CEBPZ: variants seen among roughly 807,000 people sequenced by gnomAD.
CEBPZ encodes the protein CCAAT/enhancer-binding protein zeta.
A neutral mutation model predicts 104.5 loss-of-function variants in CEBPZ; 78 were observed. The observed-to-expected ratio is 0.75, with a 90% CI of 0.62 to 0.90. The LOEUF (loss-of-function observed/expected upper bound fraction) is 0.90. Ranked by LOEUF, CEBPZ falls within the 40% of genes least tolerant of loss-of-function variation. CEBPZ has a pLI of 0.00. For synonymous variants in CEBPZ, 470 were observed against 427.0 expected, an observed-to-expected ratio of 1.10 and a Z score of -1.24; for missense variants, 1,439 against 1,233.5, an observed-to-expected ratio of 1.17 and a Z score of -2.50.
intron 2 of CEBPZ, among the ~76,000 whole-genome samples, chr2:37,226,296 G>A (rs1270711336): frequency 6.6e-6 from 1 of 152,168 alleles, no homozygotes; most frequent in Non-Finnish European, 1.5e-5. Context: ...TCACAGACTG[G>A]AGAGCTGTTA....
rs1268820875 is a variant in CEBPZ, at chr2:37,214,833, A to G, written c.2447+53T>C. The stretch of plus-strand genomic sequence containing the variant: ...TAAAATGAAGCATTTTATGAAATCT[A>G]AAAATTTAAATTTTAGCAGTTTCCC... On this transcript the variant is annotated intron_variant, in intron 9 of 15. Transcript: ENST00000234170. 3.2e-5 allele frequency: 37 copies of G among 1,152,822 alleles called. No homozygotes were observed. The East Asian group carries it at 8.5e-4, about 26-fold the overall frequency. 71.4% of individuals were successfully genotyped at this position (1,152,822 alleles called of 1,614,324 possible).
At chr2:37,230,145 C>A (rs540650686) in intron 1 of CEBPZ, among the ~76,000 whole-genome samples, 4 of 152,026 alleles carry the variant, frequency 2.6e-5, no homozygotes, top group Admixed American at 2.6e-4. Context: ...TTAAGACAGA[C>A]AAAATGATTT....
intron 3 of CEBPZ, among the ~76,000 whole-genome samples, chr2:37,222,902 A>C (rs925599082): frequency 6.6e-6 from 1 of 152,230 alleles, no homozygotes; most frequent in Non-Finnish European, 1.5e-5. Context: ...AAGAAGACTT[A>C]AGAGGTCTAC....
At chr2:37,224,971 AAC>A (rs1397415836) in intron 2 of CEBPZ, among the ~76,000 whole-genome samples, 4 of 152,196 alleles carry the variant, frequency 2.6e-5, no homozygotes, top group Non-Finnish European at 4.4e-5. Flanking sequence ...ATAGATTTCA[AAC>A]ACTTTCTAAA....
chr2:37,223,366 T>C lies in CEBPZ; in HGVS notation c.1685A>G (p.Lys562Arg), dbSNP rs781410717. 20 of 1,614,174 alleles carry C rather than the reference T, an allele frequency of 1.2e-5. No homozygotes were observed. The highest frequency in any genetic ancestry group is 1.7e-5 in the Admixed American group (1 of 60,028). The change falls in exon 3 of 16, where the codon AAG (lysine) becomes AGG (arginine). Residue 562 changes from lysine (K) to arginine (R), a missense_variant. Physicochemically the swap from Lys to Arg is conservative, Grantham distance 26. Coordinates refer to ENST00000234170, the MANE Select transcript of CEBPZ (RefSeq NM_005760.3). ...GACAAGGTTAAGAAACATAGCTTGC[T>C]TGGAACACGTCATCAACCCTGGATC... ...MLDPGLMTCS[K>R]QAMFLNLVYK...
chr2:37,204,778 T>C (rs1442087483), intron 13 of CEBPZ: 1 of 152,254 alleles, frequency 6.6e-6, no homozygotes, highest in Non-Finnish European at 1.5e-5. Context: ...TTCTGTTGGG[T>C]ATTCTTTAAT....
chr2:37,227,886 T>C lies in CEBPZ; in HGVS notation c.1307A>G (p.Lys436Arg), dbSNP rs770226058. The C allele has an allele frequency of 1.2e-6, 2 of 1,614,184 alleles. No homozygotes were observed. Among genetic ancestry groups the C allele is most frequent in the East Asian group, 2.2e-5 (1 of 44,892 alleles). The change falls in exon 2 of 16, where the codon AAA becomes AGA. Residue 436 changes from lysine to arginine, a missense_variant. Physicochemically the swap from Lys to Arg is conservative, Grantham distance 26 (BLOSUM62 2). Transcript: ENST00000234170. ...RLLFRSNISS[K>R]AQYYAICFLN... ...AAAGCAAATTGCATAATATTGAGCT[T>C]TGGAGCTGATATTTGAGCGGAAGAG...
intron 15 of CEBPZ, 128 bp downstream of exon 15, chr2:37,202,656 A>G: frequency 6.0e-6 from 1 of 166,950 alleles, no homozygotes; most frequent in African/African-American, 6.3e-5. Context: ...AAAAAAAAAA[A>G]AAAAAAAAAA....
chr2:37,212,347 A>C lies in CEBPZ; in HGVS notation c.2591T>G (p.Met864Arg). The C allele has an allele frequency of 6.2e-7, 1 of 1,613,560 alleles. No individual in the cohort carries two copies. The highest frequency in any genetic ancestry group is 8.5e-7 in the Non-Finnish European group (1 of 1,179,700). ...AGAAGTATGTTACCCAGCAAAATCC[A>C]TATCATCCTTTCCAGAGCTGAAACA... is the stretch of plus-strand genomic sequence containing the variant. ...DNCFSSGKDD[M>R]DFAGNVKKRT... The change falls in exon 11 of 16, where the codon ATG becomes AGG. Residue 864 changes from methionine (M) to arginine (R), a missense_variant. Physicochemically the swap from Met to Arg is moderately conservative, Grantham distance 91. Transcript: ENST00000234170.
rs1185909147 is a variant in CEBPZ at position 37,223,267 on chromosome 2, C to T, written c.1784G>A (p.Cys595Tyr). 1.9e-6 allele frequency: 3 copies of T among 1,614,004 alleles called. No individual in the cohort carries two copies. The African/African-American group carries it at 4.0e-5, about 22-fold the overall frequency. ...ACATATAAATGGTGGCATCTGTTGACAAGTAACTTGAAGTAACCTCTTCAC... is the reference window on the plus strand; with the variant it reads ...ACATATAAATGGTGGCATCTGTTGATAAGTAACTTGAAGTAACCTCTTCAC... The part of the protein sequence containing the change: ...AFVKRLLQVT[C>Y]QQMPPFICGA... The change falls in exon 3 of 16, where the codon TGT becomes TAT. Residue 595 changes from cysteine to tyrosine, a missense_variant. Coordinates refer to ENST00000234170, the MANE Select transcript of CEBPZ (RefSeq NM_005760.3).
chr2:37,225,550 G>C (rs957202018), intron 2 of CEBPZ, among the ~76,000 whole-genome samples: 2 of 132,020 alleles, frequency 1.5e-5, no homozygotes, highest in African/African-American at 5.8e-5. Context: ...CTTGAAGGCA[G>C]CATGCTCCTT....
In CEBPZ at chr2:37,228,568, C is replaced by T; in HGVS notation, c.625G>A (p.Ala209Thr). 6.2e-7 allele frequency: 1 copy of T among 1,614,156 alleles called. No homozygotes were observed. Among genetic ancestry groups the T allele is most frequent in the Non-Finnish European group, 8.5e-7 (1 of 1,180,040 alleles). ...ATTTCATGCTGATACAGCTTCTGAG[C>T]AAGGGTTTTGTACTTAGATACAACA... ...QDVVSKYKTL[A>T]QKLYQHEINL... The change falls in exon 2 of 16, where the codon GCT (alanine) becomes ACT (threonine). Residue 209 changes from alanine (A) to threonine (T), a missense_variant. By Grantham distance (58) the Ala-to-Thr change is moderately conservative. Coordinates refer to ENST00000234170, the MANE Select transcript of CEBPZ (RefSeq NM_005760.3).
intron 1 of CEBPZ, among the ~76,000 whole-genome samples, chr2:37,229,254 C>T (rs909345999): frequency 2.6e-5 from 4 of 151,428 alleles, no homozygotes; most frequent in African/African-American, 7.3e-5. Context: ...CTTTTTATTT[C>T]GATATAGGAA....
rs376111470 is a variant in CEBPZ, at chr2:37,220,315, CA to C, written c.2154+69del. Reference sequence around the variant, plus strand: ...CTGGTGACAGAGGAAGACTCTGTCTCAAAAAAAAAAAAAATATATATATATA... The same window carrying C: ...CTGGTGACAGAGGAAGACTCTGTCTCAAAAAAAAAAAAATATATATATATA... On this transcript the variant is annotated intron_variant, in intron 5 of 15. Coordinates refer to ENST00000234170, the MANE Select transcript of CEBPZ (RefSeq NM_005760.3). 1,471 of 362,214 alleles carry C rather than the reference CA, an allele frequency of 4.1e-3. 1 individual carries two copies. Among genetic ancestry groups the C allele is most frequent in the Non-Finnish European group, 5.6e-3 (1,287 of 228,674 alleles). 22.4% of individuals were successfully genotyped at this position (362,214 alleles called of 1,614,324 possible). A position where few individuals can be genotyped will look rare whatever the true frequency, so the allele number is the denominator to read the frequency against.
chr2:37,220,285 C>A, intron 5 of CEBPZ, 100 bp downstream of exon 5: 1 of 311,500 alleles, frequency 3.2e-6, no homozygotes, highest in Non-Finnish European at 5.6e-6. Context: ...CCACTGCACT[C>A]CAGCCTGGTG....
At chr2:37,230,572 A>G (rs1665040452) in intron 1 of CEBPZ, among the ~76,000 whole-genome samples, 1 of 152,188 alleles carries the variant, frequency 6.6e-6, no homozygotes, top group Admixed American at 6.5e-5. Flanking sequence ...CTCCAAACAA[A>G]ATAATATTAA....
chr2:37,228,047 A>G lies in CEBPZ; in HGVS notation c.1146T>C (p.Ala382=). The G allele has an allele frequency of 6.2e-7, 1 of 1,614,130 alleles. No individual in the cohort carries two copies. Residue 382 remains alanine, a synonymous_variant, in exon 2 of 16, where the codon GCT becomes GCC. Coordinates refer to ENST00000234170, the MANE Select transcript of CEBPZ (RefSeq NM_005760.3). ...LLCNKPEEEK[A]LLVQVVNKLG... Reference sequence around the variant, plus strand: ...GTTTATTTACCACTTGCACAAGAAGAGCCTTTTCTTCCTCAGGCTTGTTAC... The same window carrying G: ...GTTTATTTACCACTTGCACAAGAAGGGCCTTTTCTTCCTCAGGCTTGTTAC...
intron 13 of CEBPZ, among the ~76,000 whole-genome samples, chr2:37,206,615 C>A (rs761954657): frequency 6.6e-6 from 1 of 152,144 alleles, no homozygotes; most frequent in Non-Finnish European, 1.5e-5. Flanking sequence ...CTGGGCCTCC[C>A]GAAGTGCTGG....
chr2:37,205,044 A>T (rs1677484418), intron 13 of CEBPZ, among the ~76,000 whole-genome samples: 2 of 152,226 alleles, frequency 1.3e-5, no homozygotes. Context: ...CTAAAACATG[A>T]TCTTAGATAC....
Sources: gnomAD v4.1 joint callset for allele counts (sites outside exome capture counted in the v4.1 genomes callset) on GRCh38, gnomAD v4.1.1 for gene constraint, MANE v1.5 for transcripts, NCBI Gene and HGNC (gene_info 2026-07-23, HGNC 2026-07-21) for gene names.